Variants in EXT2 observed in about 807,000 individuals in gnomAD.
EXT2 encodes exostosin-2.
In EXT2, 53 loss-of-function variants were observed where a neutral mutation model predicts 81.6. That is an observed-to-expected ratio of 0.65 (90% CI 0.52 to 0.82). The LOEUF is 0.82. Ranked by LOEUF, EXT2 falls within the 40% of genes least tolerant of loss-of-function variation. EXT2 has a pLI of 0.00. For missense variants in EXT2, 774 were observed against 910.2 expected (o/e 0.85, Z 1.93); for synonymous variants, 320 against 340.0 (o/e 0.94, Z 0.65).
intron 7 of EXT2, among the ~76,000 whole-genome samples, chr11:44,147,757 C>T (rs1170367996): frequency 6.4e-5 from 9 of 141,040 alleles, no homozygotes; most frequent in Non-Finnish European, 1.2e-4. Context: ...GCATTTTCCC[C>T]CTTGTACTCC....
chr11:44,099,758 C>T (rs1362317428), intron 1 of EXT2, among the ~76,000 whole-genome samples: 9 of 152,288 alleles, frequency 5.9e-5, no homozygotes, highest in African/African-American at 2.2e-4. Context: ...GTGGCAAGTG[C>T]TAGAATGCAG....
At chr11:44,190,983 A>G (rs1955384343) in intron 8 of EXT2, among the ~76,000 whole-genome samples, 1 of 152,078 alleles carries the variant, frequency 6.6e-6, no homozygotes, top group Non-Finnish European at 1.5e-5. Context: ...TGAAGGGGAA[A>G]CCCCTTTGAA....
intron 7 of EXT2, among the ~76,000 whole-genome samples, chr11:44,170,433 C>T (rs1955054198): frequency 6.6e-6 from 1 of 152,004 alleles, no homozygotes; most frequent in African/African-American, 2.4e-5. Flanking sequence ...ATTAATTAAA[C>T]TCCTCCAAAA....
At chr11:44,152,712 G>C (rs1401453457) in intron 7 of EXT2, among the ~76,000 whole-genome samples, 2 of 152,076 alleles carry the variant, frequency 1.3e-5, no homozygotes, top group Non-Finnish European at 2.9e-5. Flanking sequence ...AATTTTTTTT[G>C]AAGGATGTAA....
chr11:44,157,602 C>A (rs534625311), intron 7 of EXT2, among the ~76,000 whole-genome samples: 62 of 152,282 alleles, frequency 4.1e-4, no homozygotes, highest in Non-Finnish European at 6.8e-4. Context: ...TGCTCTCAGG[C>A]CTGGGTCGCT....
At chr11:44,102,323 G>A (rs961138722) in intron 1 of EXT2, among the ~76,000 whole-genome samples, 14 of 152,124 alleles carry the variant, frequency 9.2e-5, no homozygotes, top group Non-Finnish European at 1.9e-4. Context: ...CTCCCATCCT[G>A]CTTAGAGACC....
At chr11:44,124,444 T>TACACACACACACACAC (rs57261356) in intron 4 of EXT2, among the ~76,000 whole-genome samples, 66 of 145,040 alleles carry the variant, frequency 4.6e-4, no homozygotes, top group African/African-American at 1.6e-3. Flanking sequence ...GTTTCTCTCC[T>TACACACACACACACAC]ACACACACAC....
At chr11:44,213,896 C>T (rs1323572485) in intron 10 of EXT2, among the ~76,000 whole-genome samples, 1 of 152,054 alleles carries the variant, frequency 6.6e-6, no homozygotes, top group Non-Finnish European at 1.5e-5. Context: ...CACCAACATC[C>T]AAAGAATAAA....
At chr11:44,098,288 G>A (rs1434697285) in intron 1 of EXT2, among the ~76,000 whole-genome samples, 1 of 152,152 alleles carries the variant, frequency 6.6e-6, no homozygotes, top group African/African-American at 2.4e-5. Flanking sequence ...GGGAGGATTG[G>A]TTCTGTGTGT....
intron 7 of EXT2, among the ~76,000 whole-genome samples, chr11:44,154,791 C>T (rs1565214490): frequency 6.6e-6 from 1 of 152,118 alleles, no homozygotes. Flanking sequence ...TCTACATCCT[C>T]ACCAGCATTC....
chr11:44,167,921 G>A (rs1027886799), intron 7 of EXT2, among the ~76,000 whole-genome samples: 7 of 151,608 alleles, frequency 4.6e-5, no homozygotes, highest in Admixed American at 3.9e-4. Flanking sequence ...CCACTAACTC[G>A]TCCTCTAGCA....
intron 3 of EXT2, among the ~76,000 whole-genome samples, chr11:44,112,755 A>G (rs1000287824): frequency 6.6e-6 from 1 of 152,138 alleles, no homozygotes; most frequent in Non-Finnish European, 1.5e-5. Flanking sequence ...ACCCCCCTGG[A>G]ACAGAATAAC....
chr11:44,163,547 A>G (rs1330376930), intron 7 of EXT2, among the ~76,000 whole-genome samples: 5 of 152,358 alleles, frequency 3.3e-5, no homozygotes, highest in Middle Eastern at 3.4e-3. Context: ...AAAAGGAATA[A>G]TTAGCCTTTG....
chr11:44,162,776 G>A (rs868096440), intron 7 of EXT2, among the ~76,000 whole-genome samples: 18 of 152,178 alleles, frequency 1.2e-4, no homozygotes, highest in African/African-American at 4.3e-4. Flanking sequence ...GGTGAAGATG[G>A]TGGGGCTGGG....
At chr11:44,167,975 C>T (rs1955017917) in intron 7 of EXT2, among the ~76,000 whole-genome samples, 1 of 145,040 alleles carries the variant, frequency 6.9e-6, no homozygotes, top group African/African-American at 2.8e-5. Context: ...TCCCCACTCC[C>T]CCGACCCCAC....
chr11:44,125,045 T>C, intron 5 of EXT2, 61 bp downstream of exon 5: 2 of 1,552,356 alleles, frequency 1.3e-6, no homozygotes, highest in Non-Finnish European at 1.8e-6. Context: ...TGGGTTAAAA[T>C]TGAGCCCAGC....
At chr11:44,194,087 G>GC (rs1955427254) in intron 8 of EXT2, among the ~76,000 whole-genome samples, 1 of 152,158 alleles carries the variant, frequency 6.6e-6, no homozygotes, top group Non-Finnish European at 1.5e-5. Context: ...CGTTTTGTGA[G>GC]CCTAAGCTTT....
intron 10 of EXT2, among the ~76,000 whole-genome samples, chr11:44,226,419 G>T (rs561841008): frequency 6.6e-6 from 1 of 152,326 alleles, no homozygotes; most frequent in East Asian, 1.9e-4. Flanking sequence ...CTCCTTGGCT[G>T]TAGATGGCTA....
chr11:44,101,667 A>G (rs1008652383), intron 1 of EXT2, among the ~76,000 whole-genome samples: 2 of 152,194 alleles, frequency 1.3e-5, no homozygotes, highest in Non-Finnish European at 2.9e-5. Context: ...CATCTTTGAG[A>G]AGCTCAGTGT....
Sources: gnomAD v4.1 joint callset for allele counts (sites outside exome capture counted in the v4.1 genomes callset) on GRCh38, gnomAD v4.1.1 for gene constraint, MANE v1.5 for transcripts, NCBI Gene and HGNC (gene_info 2026-07-23, HGNC 2026-07-21) for gene names.